COL5A1: variants seen among roughly 807,000 people sequenced by gnomAD.
COL5A1 encodes collagen alpha-1(V) chain.
COL5A1 carries 16 observed loss-of-function variants against 263.7 expected under a neutral mutation model. That is an observed-to-expected ratio of 0.06 (90% CI 0.04 to 0.09). The LOEUF (loss-of-function observed/expected upper bound fraction) is 0.09. Ranked by LOEUF, COL5A1 falls within the 10% of genes least tolerant of loss-of-function variation. The probability of loss-of-function intolerance (pLI) is 1.00; values close to 1 mark genes in which losing one functional copy is unlikely to be tolerated. For synonymous variants in COL5A1, 1,012 were observed against 1,004.5 expected (o/e 1.01, Z -0.14); for missense variants, 2,036 against 2,540.5 (o/e 0.80, Z 4.27).
At chr9:134,763,814 G>A (rs1836555393) in intron 20 of COL5A1, 77 bp downstream of exon 20, 40 of 1,412,468 alleles carry the variant, frequency 2.8e-5, no homozygotes, top group Non-Finnish European at 3.9e-5. Flanking sequence ...GCTGGAGCAG[G>A]ATCTGGGATC....
At chr9:134,770,359 C>T (rs1836828696) in intron 25 of COL5A1, among the ~76,000 whole-genome samples, 2 of 152,192 alleles carry the variant, frequency 1.3e-5, no homozygotes, top group Non-Finnish European at 2.9e-5. Context: ...ATCCTGATAG[C>T]ACACGCTGGG....
At chr9:134,643,183 C>T (rs572139676) in intron 1 of COL5A1, among the ~76,000 whole-genome samples, 5 of 152,238 alleles carry the variant, frequency 3.3e-5, no homozygotes, top group Admixed American at 3.3e-4. Context: ...AGCTTCCTGA[C>T]GGGGGAGTTT....
At chr9:134,689,663 G>A (rs1053024225) in intron 1 of COL5A1, among the ~76,000 whole-genome samples, 3 of 152,166 alleles carry the variant, frequency 2.0e-5, no homozygotes, top group Admixed American at 1.3e-4. Flanking sequence ...AAAGCCCCAG[G>A]ACGGAGCTTC....
At chr9:134,735,975 G>A (rs935835015) in intron 9 of COL5A1, among the ~76,000 whole-genome samples, 1 of 152,252 alleles carries the variant, frequency 6.6e-6, no homozygotes, top group Non-Finnish European at 1.5e-5. Flanking sequence ...CTGGTGGCCT[G>A]TGGCCTGGCT....
chr9:134,668,514 A>G (rs1427110369), intron 1 of COL5A1, among the ~76,000 whole-genome samples: 1 of 152,144 alleles, frequency 6.6e-6, no homozygotes, highest in African/African-American at 2.4e-5. Flanking sequence ...TTTAGTTTAA[A>G]TCAGCAAAGG....
At position 134,662,142 on chromosome 9, in the gene COL5A1, CAAA is replaced by C. The variant is rs34491867; in HGVS notation, c.109+19865_109+19867del. 9.0e-4 allele frequency among the ~76,000 whole-genome samples: 109 copies of C among 121,232 alleles called. 1 individual carries two copies. In the South Asian group the frequency reaches 0.024, roughly 27 times the overall value. 79.5% of individuals were successfully genotyped at this position (121,232 alleles called of 152,430 possible). A position where few individuals can be genotyped will look rare whatever the true frequency, so the allele number is the denominator to read the frequency against. On this transcript the variant is annotated intron_variant, in intron 1 of 65. Coordinates refer to ENST00000371817, the MANE Select transcript of COL5A1 (RefSeq NM_000093.5). Reference sequence around the variant, plus strand: ...TGTGATGCCTGGTCAATATCTTGGCCAAAAAAAAAAAAAAAAAAAAATTCCTCT... The same window carrying C: ...TGTGATGCCTGGTCAATATCTTGGCCAAAAAAAAAAAAAAAAAATTCCTCT...
At chr9:134,668,954 C>CCTATCCAT (rs1554776453) in intron 1 of COL5A1, among the ~76,000 whole-genome samples, 7 of 110,512 alleles carry the variant, frequency 6.3e-5, no homozygotes, top group African/African-American at 2.2e-4. Context: ...CACCCACCCA[C>CCTATCCAT]CCATCCATCC....
At chr9:134,760,483 GCACA>G (rs749651417) in intron 18 of COL5A1, among the ~76,000 whole-genome samples, 1 of 58,810 alleles carries the variant, frequency 1.7e-5, no homozygotes, top group African/African-American at 7.1e-5. Flanking sequence ...ATACACACAT[GCACA>G]CACACCACAC....
chr9:134,800,838 T>C (rs55736903), intron 37 of COL5A1, among the ~76,000 whole-genome samples: 7,324 of 151,234 alleles, frequency 0.048, 601 homozygotes, highest in African/African-American at 0.17. Context: ...CTCTGACTGC[T>C]GGACAGTGAG....
Position 134,783,124 on chromosome 9 carries a change from G to A in COL5A1, c.2484+404G>A, listed in dbSNP as rs142114262. Among the ~76,000 whole-genome samples the A allele has an allele frequency of 2.4e-3, 362 of 152,348 alleles. 1 individual carries two copies. Among genetic ancestry groups the A allele is most frequent in the Admixed American group, 7.3e-3 (112 of 15,308 alleles). ...AAATGACCCAGCCTACCGAAGGAGC[G>A]CAGCTGCTGCCCAGGCCACACGGCC... On this transcript the variant is annotated intron_variant, in intron 29 of 65. Transcript: ENST00000371817.
chr9:134,734,160 G>A lies in COL5A1; in HGVS notation c.1389+2033G>A, dbSNP rs1047275926. The stretch of plus-strand genomic sequence containing the variant: ...ACAGGTTTTCCACTGCCAGGCACCC[G>A]GGAAGGCAGCAGTGGGCAAGGGTGG... On this transcript the variant is annotated intron_variant, in intron 9 of 65. Transcript: ENST00000371817. 1.2e-4 allele frequency among the ~76,000 whole-genome samples: 18 copies of A among 152,264 alleles called. No homozygotes were observed. The East Asian group carries it at 3.3e-3, about 28-fold the overall frequency.
At chr9:134,736,715 C>G (rs1835112455) in intron 9 of COL5A1, among the ~76,000 whole-genome samples, 1 of 152,236 alleles carries the variant, frequency 6.6e-6, no homozygotes, top group African/African-American at 2.4e-5. Flanking sequence ...ACTGATGAGA[C>G]TTAGGCTCAA....
In COL5A1 at chr9:134,756,827, C is replaced by T. The variant is rs1030738880; in HGVS notation, c.1881+9C>T. The T allele has an allele frequency of 1.9e-6, 3 of 1,613,634 alleles. No homozygotes were observed. The highest frequency in any genetic ancestry group is 1.3e-5 in the African/African-American group (1 of 75,008). ...GACAAACTGGCCCCAAGGTAGGTCA[C>T]CCACCACCCTCCTGGTGCCCTGGCA... On this transcript the variant is annotated intron_variant, in intron 17 of 65. Coordinates refer to ENST00000371817, the MANE Select transcript of COL5A1 (RefSeq NM_000093.5).
intron 32 of COL5A1, among the ~76,000 whole-genome samples, chr9:134,793,386 G>GGGGA (rs1837788141): frequency 6.6e-6 from 1 of 151,756 alleles, no homozygotes; most frequent in South Asian, 2.1e-4. Flanking sequence ...AAGGAGGCTG[G>GGGGA]GGGGGGCATT....
chr9:134,765,340 G>A lies in COL5A1; in HGVS notation c.2035-341G>A, dbSNP rs575976547. ...GCTCCGTGCAGTGGAATGTTATAGC[G>A]TGGTGATTCTCTGGGGGAGCGTCTG... is the stretch of plus-strand genomic sequence containing the variant. On this transcript the variant is annotated intron_variant, in intron 20 of 65. Transcript: ENST00000371817. This position sits in a 1 kb window ranked among gnomAD's most constrained non-coding sequence, Gnocchi z 5.1. 3.3e-5 allele frequency among the ~76,000 whole-genome samples: 5 copies of A among 151,810 alleles called. No homozygotes were observed. The highest frequency in any genetic ancestry group is 4.8e-5 in the African/African-American group (2 of 41,418).
At chr9:134,780,480 C>T (rs1564454137) in intron 28 of COL5A1, among the ~76,000 whole-genome samples, 1 of 152,198 alleles carries the variant, frequency 6.6e-6, no homozygotes, top group Non-Finnish European at 1.5e-5. Context: ...ACACCTGTCA[C>T]CCTCCCCACT....
intron 64 of COL5A1, chr9:134,830,466 G>C: frequency 3.8e-6 from 2 of 520,924 alleles, no homozygotes; most frequent in Non-Finnish European, 6.9e-6. Context: ...GCCCACAGAC[G>C]GTGCAGCCCC....
rs779550134 is a variant in COL5A1, at chr9:134,834,953, A to G, written c.5137-18A>G. 2.1e-5 allele frequency: 33 copies of G among 1,591,954 alleles called. No individual in the cohort carries two copies. In the South Asian group the frequency reaches 3.1e-4, roughly 15 times the overall value. On this transcript the variant is annotated intron_variant, in intron 64 of 65. Coordinates refer to ENST00000371817, the MANE Select transcript of COL5A1 (RefSeq NM_000093.5). ...TGTGTCCCCACCCTGCTGAGCCCCAACACCCCTGTCCCCCCAGCTCTCCTA... is the reference window on the plus strand; with the variant it reads ...TGTGTCCCCACCCTGCTGAGCCCCAGCACCCCTGTCCCCCCAGCTCTCCTA...
intron 34 of COL5A1, 32 bp downstream of exon 34, chr9:134,795,347 C>T (rs1438318146): frequency 1.4e-5 from 22 of 1,606,680 alleles, no homozygotes; most frequent in Admixed American, 6.7e-5. Context: ...CGGTGGGCGG[C>T]GTGAACCCAA....
Sources: gnomAD v4.1 joint callset for allele counts (sites outside exome capture counted in the v4.1 genomes callset) on GRCh38, gnomAD v4.1.1 for gene constraint, Gnocchi (gnomAD v3.1) non-coding constraint, MANE v1.5 for transcripts, NCBI Gene and HGNC (gene_info 2026-07-23, HGNC 2026-07-21) for gene names.